BAHCC1: variants seen among roughly 807,000 people sequenced by gnomAD.
BAHCC1 encodes BAH and coiled-coil domain-containing protein 1.
In BAHCC1, 43 loss-of-function variants were observed where a neutral mutation model predicts 88.2. That is an observed-to-expected ratio of 0.49 (90% CI 0.38 to 0.63). BAHCC1 has a LOEUF of 0.63. Ranked by LOEUF, BAHCC1 falls within the 20% of genes least tolerant of loss-of-function variation. The pLI is 0.00. For missense variants in BAHCC1, 3,023 were observed against 1,654.8 expected (o/e 1.83, Z -14.34); for synonymous variants, 1,510 against 745.5 (o/e 2.03, Z -16.71).
chr17:81,444,523 C>A lies in BAHCC1; in HGVS notation c.2467C>A (p.Pro823Thr), dbSNP rs1555653741. Residue 823 changes from proline (P) to threonine (T), a missense_variant, in exon 7 of 28, where the codon CCC becomes ACC. Pro to Thr is a conservative substitution (Grantham distance 38). Transcript: ENST00000675386. The stretch of plus-strand genomic sequence containing the variant: ...CACCCACCCCCATCCCCCCTGGCTG[C>A]CCCGCACCCGCAGCCCCTCCCTGTG... ...PHTHPHPPWL[P>T]RTRSPSLWMG... 2 of 696,364 alleles carry A rather than the reference C, an allele frequency of 2.9e-6. No homozygotes were observed. Among genetic ancestry groups the A allele is most frequent in the African/African-American group, 1.7e-5 (1 of 57,490 alleles). The allele number at this position is 696,364 out of a possible 1,614,324, so 43.1% of individuals were successfully genotyped here.
chr17:81,400,034 G>C, intron 2 of BAHCC1, 117 bp downstream of exon 2: 1 of 951,350 alleles, frequency 1.1e-6, no homozygotes, highest in Non-Finnish European at 1.3e-6. Context: ...CCCCGGCCGC[G>C]GTGGCTGCCT....
At chr17:81,417,753 G>C (rs1050914142) in intron 2 of BAHCC1, among the ~76,000 whole-genome samples, 2 of 152,198 alleles carry the variant, frequency 1.3e-5, no homozygotes, top group Admixed American at 6.5e-5. Context: ...AGGCCTGAGA[G>C]ACGCTGCCTC....
intron 2 of BAHCC1, among the ~76,000 whole-genome samples, chr17:81,418,787 A>G (rs74808379): frequency 8.5e-3 from 62 of 7,286 alleles, no homozygotes; most frequent in Non-Finnish European, 0.014. Context: ...GTGTGTGTGT[A>G]CGTGTGTGCG....
Position 81,456,434 on chromosome 17 carries a change from T to TACC in BAHCC1, c.4708_4710dup (p.Thr1570dup), listed in dbSNP as rs1555657297. 1.4e-6 allele frequency: 1 copy of TACC among 722,724 alleles called. No homozygotes were observed. The highest frequency in any genetic ancestry group is 2.0e-5 in the Admixed American group (1 of 50,712). 44.8% of individuals were successfully genotyped at this position (722,724 alleles called of 1,614,324 possible). A position where few individuals can be genotyped will look rare whatever the true frequency, so the allele number is the denominator to read the frequency against. The stretch of plus-strand genomic sequence containing the variant: ...TCAGCTCTTTCCAGCAGAAGGAGGC[T>TACC]ACCCCCGGGGGGCGCATCCGGGAGA... On this transcript the variant is annotated inframe_insertion, in exon 16 of 28. Coordinates refer to ENST00000675386, the MANE Select transcript of BAHCC1 (RefSeq NM_001377448.1).
At position 81,461,127 on chromosome 17, in the gene BAHCC1, C is replaced by G; in HGVS notation, c.6464C>G (p.Ala2155Gly). 1.3e-6 allele frequency: 1 copy of G among 763,764 alleles called. No individual in the cohort carries two copies. 47.3% of individuals were successfully genotyped at this position (763,764 alleles called of 1,614,324 possible). A position where few individuals can be genotyped will look rare whatever the true frequency, so the allele number is the denominator to read the frequency against. ...CCCATATTTGGCAACGGCTTCCGCGCCGACTCCTTCAGCAGCCTGGCCAGC... is the reference window on the plus strand; with the variant it reads ...CCCATATTTGGCAACGGCTTCCGCGGCGACTCCTTCAGCAGCCTGGCCAGC... Reference protein sequence around the residue: ...ATPIFGNGFRADSFSSLASSY... With the variant: ...ATPIFGNGFRGDSFSSLASSY... The change falls in exon 26 of 28, where the codon GCC becomes GGC. Residue 2155 changes from alanine (A) to glycine (G), a missense_variant. Transcript: ENST00000675386.
chr17:81,401,449 C>T (rs1303469434), intron 2 of BAHCC1: 1 of 152,696 alleles, frequency 6.5e-6, no homozygotes, highest in South Asian at 2.1e-4. Context: ...AAGCACTTGC[C>T]TGAGCGATGG....
rs781931093 is a variant in BAHCC1 at position 81,442,735 on chromosome 17, C to G, written c.1386C>G (p.Asn462Lys). ...CTGGGGGCTTTGAGGCGGCCCTCAA[C>G]CCCCGGCTAAAGGGCCTCGACTATC... Reference protein sequence around the residue: ...RRPGGFEAALNPRLKGLDYLS... With the variant: ...RRPGGFEAALKPRLKGLDYLS... Residue 462 changes from asparagine to lysine, a missense_variant, in exon 5 of 28, where the codon AAC becomes AAG. Asn to Lys is a moderately conservative substitution (Grantham distance 94). Transcript: ENST00000675386. 5.1e-6 allele frequency: 4 copies of G among 777,622 alleles called. No homozygotes were observed. The highest frequency in any genetic ancestry group is 5.1e-5 in the African/African-American group (3 of 59,124). The allele number at this position is 777,622 out of a possible 1,614,324, so 48.2% of individuals were successfully genotyped here. A position where few individuals can be genotyped will look rare whatever the true frequency, so the allele number is the denominator to read the frequency against.
intron 2 of BAHCC1, among the ~76,000 whole-genome samples, chr17:81,418,480 G>T (rs1483148204): frequency 6.6e-6 from 1 of 152,168 alleles, no homozygotes; most frequent in East Asian, 1.9e-4. Flanking sequence ...GGGCTGGGGG[G>T]CTGGAGCTGC....
At chr17:81,406,463 T>G (rs781953983) in intron 2 of BAHCC1, among the ~76,000 whole-genome samples, 27 of 151,656 alleles carry the variant, frequency 1.8e-4, no homozygotes, top group Non-Finnish European at 3.5e-4. Flanking sequence ...GAAGACACAG[T>G]GTAACAAGCA....
At chr17:81,398,182 T>A (rs2063765751) in intron 1 of BAHCC1, among the ~76,000 whole-genome samples, 1 of 152,154 alleles carries the variant, frequency 6.6e-6, no homozygotes. Flanking sequence ...AATACGTATT[T>A]AGAAGATGAG....
chr17:81,404,639 T>C (rs571726848), intron 2 of BAHCC1, among the ~76,000 whole-genome samples: 1 of 152,334 alleles, frequency 6.6e-6, no homozygotes, highest in East Asian at 1.9e-4. Context: ...GATAAATGAT[T>C]GTACACCTTT....
At chr17:81,444,901 C>T in intron 8 of BAHCC1, 75 bp downstream of exon 8, 2 of 710,960 alleles carry the variant, frequency 2.8e-6, no homozygotes, top group Non-Finnish European at 5.2e-6. Context: ...GTGTGCTGGC[C>T]AGGGCTCAGG....
chr17:81,453,430 G>A (rs989398515), intron 14 of BAHCC1, among the ~76,000 whole-genome samples: 1 of 152,268 alleles, frequency 6.6e-6, no homozygotes, highest in Non-Finnish European at 1.5e-5. Context: ...CAATCCTGAT[G>A]ATTTGGTAAT....
intron 10 of BAHCC1, 82 bp downstream of exon 10, chr17:81,445,763 G>A (rs955610682): frequency 1.7e-5 from 11 of 663,058 alleles, no homozygotes; most frequent in Admixed American, 9.2e-5. Context: ...CGCTGAATCC[G>A]GGCTGCCTGC....
Position 81,447,495 on chromosome 17 carries a change from G to A in BAHCC1, c.3623G>A (p.Gly1208Glu), listed in dbSNP as rs1406275490. 2.7e-6 allele frequency: 2 copies of A among 745,870 alleles called. No homozygotes were observed. The highest frequency in any genetic ancestry group is 1.7e-5 in the African/African-American group (1 of 58,518). The allele number at this position is 745,870 out of a possible 1,614,324, so 46.2% of individuals were successfully genotyped here. ...TCCCAAGTCCTGGAGCAGCGAGCAG[G>A]GAGTCCGGGTGCCCTTGAGGACGAG... ...ASSQVLEQRA[G>E]SPGALEDEGE... The change falls in exon 11 of 28, where the codon GGG becomes GAG. Residue 1208 changes from glycine to glutamate, a missense_variant. Coordinates refer to ENST00000675386, the MANE Select transcript of BAHCC1 (RefSeq NM_001377448.1).
intron 26 of BAHCC1, chr17:81,462,460 A>G (rs1204370771): frequency 9.6e-6 from 5 of 521,320 alleles, no homozygotes; most frequent in African/African-American, 9.6e-5. Flanking sequence ...CGTAAATAAC[A>G]CTGTGGTGAA....
At chr17:81,412,605 G>C (rs568415688) in intron 2 of BAHCC1, among the ~76,000 whole-genome samples, 1 of 152,294 alleles carries the variant, frequency 6.6e-6, no homozygotes, top group African/African-American at 2.4e-5. Flanking sequence ...ACTCGTGCAC[G>C]AGGCAGGTCT....
At position 81,435,354 on chromosome 17, in the gene BAHCC1, C is replaced by T; in HGVS notation, c.359-3016C>T. On this transcript the variant is annotated intron_variant, in intron 3 of 27. Coordinates refer to ENST00000675386, the MANE Select transcript of BAHCC1 (RefSeq NM_001377448.1). This position sits in a 1 kb window ranked among gnomAD's most constrained non-coding sequence, Gnocchi z 4.4. ...CATCACAGGACTGAGTTTGGAGTCT[C>T]CTGCCCACCGCAGTAGCAGGGGCAG... is the stretch of plus-strand genomic sequence containing the variant. The T allele has an allele frequency of 2.2e-6, 1 of 449,150 alleles. No individual in the cohort carries two copies. Among genetic ancestry groups the T allele is most frequent in the Non-Finnish European group, 4.5e-6 (1 of 220,614 alleles). The allele number at this position is 449,150 out of a possible 1,614,324, so 27.8% of individuals were successfully genotyped here.
intron 11 of BAHCC1, among the ~76,000 whole-genome samples, chr17:81,449,400 G>A (rs1277288441): frequency 6.6e-6 from 1 of 152,174 alleles, no homozygotes; most frequent in Non-Finnish European, 1.5e-5. Context: ...TTAATTAGGA[G>A]GTTGGTTTTG....
Sources: allele counts gnomAD v4.1 joint callset (sites outside exome capture counted in the v4.1 genomes callset), GRCh38; gene constraint gnomAD v4.1.1; non-coding constraint Gnocchi (gnomAD v3.1); transcripts MANE v1.5; gene names NCBI Gene and HGNC (gene_info 2026-07-23, HGNC 2026-07-21).